Variants in BZW2 observed in about 807,000 individuals in gnomAD.
BZW2 encodes the protein basic leucine zipper and W2 domains 2.
Under a neutral mutation model 53.2 loss-of-function variants are expected in BZW2, and 23 were observed. The ratio of observed to expected loss-of-function variants is 0.43; its 90% CI spans 0.31 to 0.61. BZW2 has a LOEUF of 0.61. BZW2 is among the 20% of genes least tolerant of loss of function. BZW2 has a pLI of 0.09. For missense variants in BZW2, 409 were observed against 503.1 expected (o/e 0.81, Z 1.79); for synonymous variants, 227 against 186.4 (o/e 1.22, Z -1.77).
intron 1 of BZW2, among the ~76,000 whole-genome samples, chr7:16,650,718 GA>G (rs1315010593): frequency 6.6e-6 from 1 of 152,128 alleles, no homozygotes; most frequent in Non-Finnish European, 1.5e-5. Context: ...TCATAAACAA[GA>G]ATACTTTTCA....
chr7:16,691,470 C>T (rs867370813), intron 7 of BZW2, among the ~76,000 whole-genome samples: 1 of 152,220 alleles, frequency 6.6e-6, no homozygotes, highest in African/African-American at 2.4e-5. Flanking sequence ...TTCCACATGC[C>T]TTTTCATTCG....
chr7:16,692,716 A>C (rs1012143328), intron 7 of BZW2, among the ~76,000 whole-genome samples: 4 of 152,312 alleles, frequency 2.6e-5, no homozygotes, highest in African/African-American at 9.6e-5. Flanking sequence ...GTGAGCTAAG[A>C]TCACGCCACT....
chr7:16,677,957 A>G (rs779031633), intron 3 of BZW2, among the ~76,000 whole-genome samples: 2 of 152,102 alleles, frequency 1.3e-5, no homozygotes, highest in Non-Finnish European at 2.9e-5. Context: ...GCAACACCAG[A>G]TGTCTACTGA....
chr7:16,689,548 C>T (rs140349739), intron 6 of BZW2, among the ~76,000 whole-genome samples: 5 of 152,240 alleles, frequency 3.3e-5, no homozygotes, highest in South Asian at 2.1e-4. Flanking sequence ...AATAAACTTG[C>T]AGTTAGACCA....
intron 3 of BZW2, among the ~76,000 whole-genome samples, chr7:16,680,556 G>A (rs1213210261): frequency 1.3e-5 from 2 of 152,144 alleles, no homozygotes; most frequent in Non-Finnish European, 2.9e-5. Context: ...TGTAATCCAA[G>A]CACTTTGGGA....
At chr7:16,649,019 G>A (rs544790328) in intron 1 of BZW2, among the ~76,000 whole-genome samples, 1 of 152,182 alleles carries the variant, frequency 6.6e-6, no homozygotes, top group East Asian at 1.9e-4. Context: ...ATGCAACATG[G>A]CTACTGGTAT....
intron 2 of BZW2, among the ~76,000 whole-genome samples, chr7:16,668,637 A>G (rs905096705): frequency 6.6e-6 from 1 of 152,210 alleles, no homozygotes; most frequent in African/African-American, 2.4e-5. Flanking sequence ...GAAAATTACT[A>G]CTGAGGATAT....
chr7:16,648,121 A>G (rs1453826498), intron 1 of BZW2, among the ~76,000 whole-genome samples: 1 of 152,246 alleles, frequency 6.6e-6, no homozygotes, highest in Non-Finnish European at 1.5e-5. Flanking sequence ...CATAATGGGT[A>G]CTGTTCATTA....
Position 16,646,225 on chromosome 7 carries a change from C to CGCTGCT in BZW2, c.-65_-60dup, listed in dbSNP as rs1203741105. The CGCTGCT allele has an allele frequency of 5.9e-6, 2 of 341,014 alleles. No homozygotes were observed. The highest frequency in any genetic ancestry group is 6.0e-6 in the Non-Finnish European group (1 of 167,338). The allele number at this position is 341,014 out of a possible 1,614,324, so 21.1% of individuals were successfully genotyped here. A position where few individuals can be genotyped will look rare whatever the true frequency, so the allele number is the denominator to read the frequency against. ...CCACTGCTGCTGCTGCTGCTGCTGCCGCTGCTGCTGCACGAATCGCCGCAG... is the reference window on the plus strand; with the variant it reads ...CCACTGCTGCTGCTGCTGCTGCTGCCGCTGCTGCTGCTGCTGCACGAATCGCCGCAG... On this transcript the variant is annotated 5_prime_UTR_variant, in exon 1 of 12. Coordinates refer to ENST00000258761, the MANE Select transcript of BZW2 (RefSeq NM_014038.3).
In BZW2 at chr7:16,698,110, G is replaced by C; in HGVS notation, c.1032G>C (p.Gln344His). Residue 344 changes from glutamine to histidine, a missense_variant, in exon 10 of 12, where the codon CAG becomes CAC. Gln to His is a conservative substitution (Grantham distance 24). Coordinates refer to ENST00000258761, the MANE Select transcript of BZW2 (RefSeq NM_014038.3). ...SQGQSELILL[Q>H]KVQEYCYDNI... is the part of the protein sequence containing the mutation. ...GCCAGTCAGAGCTGATCCTCCTCCA[G>C]AAGGTTCAGGAATACTGCTACGACA... is the stretch of plus-strand genomic sequence containing the variant. 3.1e-6 allele frequency: 5 copies of C among 1,614,170 alleles called. No homozygotes were observed. Among genetic ancestry groups the C allele is most frequent in the Non-Finnish European group, 4.2e-6 (5 of 1,180,004 alleles).
chr7:16,696,664 A>G (rs1162095840), intron 8 of BZW2, among the ~76,000 whole-genome samples: 2 of 152,162 alleles, frequency 1.3e-5, no homozygotes, highest in Non-Finnish European at 2.9e-5. Flanking sequence ...ATCCTCTCTT[A>G]CTCCACATTA....
rs758536793 is a variant in BZW2 at position 16,706,136 on chromosome 7, T to C, written c.*48T>C. On this transcript the variant is annotated 3_prime_UTR_variant, in exon 12 of 12. Transcript: ENST00000258761. ...TAGGTTACCACACACCACTTTTTGA[T>C]TGGGAATGCTGAACCATTTGAGAAG... is the stretch of plus-strand genomic sequence containing the variant. The C allele has an allele frequency of 3.8e-6, 6 of 1,593,386 alleles. No individual in the cohort carries two copies. The highest frequency in any genetic ancestry group is 2.2e-5 in the South Asian group (2 of 89,172).
chr7:16,679,059 C>T (rs1158205068), intron 3 of BZW2, among the ~76,000 whole-genome samples: 1 of 152,126 alleles, frequency 6.6e-6, no homozygotes, highest in Non-Finnish European at 1.5e-5. Context: ...AATATCTTAA[C>T]AGGAAACAGG....
At chr7:16,656,616 T>G (rs1297318539) in intron 1 of BZW2, among the ~76,000 whole-genome samples, 1 of 150,156 alleles carries the variant, frequency 6.7e-6, no homozygotes, top group Admixed American at 6.6e-5. Context: ...TAGCATACAT[T>G]GATTACTCTT....
chr7:16,693,074 GAT>G (rs1280540632), intron 7 of BZW2, among the ~76,000 whole-genome samples: 1 of 152,158 alleles, frequency 6.6e-6, no homozygotes, highest in African/African-American at 2.4e-5. Context: ...TTCCAAATAA[GAT>G]AGAAAACTTT....
At chr7:16,674,893 G>T (rs1024611681) in intron 3 of BZW2, among the ~76,000 whole-genome samples, 4 of 151,880 alleles carry the variant, frequency 2.6e-5, no homozygotes, top group Admixed American at 6.6e-5. Context: ...TTTTTGGTGG[G>T]GCCATAAAAG....
At chr7:16,646,685 G>C (rs1781872678) in intron 1 of BZW2, among the ~76,000 whole-genome samples, 1 of 152,212 alleles carries the variant, frequency 6.6e-6, no homozygotes, top group Admixed American at 6.5e-5. Context: ...CCCATTACTA[G>C]CGAGTCAGTG....
At chr7:16,678,731 C>T (rs1052163991) in intron 3 of BZW2, among the ~76,000 whole-genome samples, 12 of 151,840 alleles carry the variant, frequency 7.9e-5, no homozygotes, top group Non-Finnish European at 1.5e-4. Context: ...AATATTTCAA[C>T]GTGGGTTCTT....
At chr7:16,665,986 G>A (rs773790654) in intron 2 of BZW2, among the ~76,000 whole-genome samples, 4 of 152,100 alleles carry the variant, frequency 2.6e-5, no homozygotes, top group Non-Finnish European at 5.9e-5. Context: ...CTTCAATTGT[G>A]GTAAGAGTAG....
Sources: gnomAD v4.1 joint callset for allele counts (sites outside exome capture counted in the v4.1 genomes callset) on GRCh38, gnomAD v4.1.1 for gene constraint, MANE v1.5 for transcripts, NCBI Gene and HGNC (gene_info 2026-07-23, HGNC 2026-07-21) for gene names.